KLHL13: variants seen among roughly 807,000 people sequenced by gnomAD.
KLHL13 encodes the protein kelch like family member 13.
Under a neutral mutation model 37.1 loss-of-function variants are expected in KLHL13, and 10 were observed. The ratio of observed to expected loss-of-function variants is 0.27; its 90% CI spans 0.17 to 0.46. The LOEUF is 0.46. KLHL13 is among the 20% of genes least tolerant of loss of function. KLHL13 has a pLI of 1.00. For missense variants in KLHL13, 360 were observed against 509.3 expected (o/e 0.71, Z 2.82); for synonymous variants, 163 against 181.2 (o/e 0.90, Z 0.81).
chrX:117,943,875 G>A (rs1466444362), intron 2 of KLHL13, among the ~76,000 whole-genome samples: 3 of 110,217 alleles, frequency 2.7e-5, no homozygotes, highest in Non-Finnish European at 5.7e-5. Context: ...CTTTGCTGGC[G>A]AGGAGTTGTG....
intron 1 of KLHL13, among the ~76,000 whole-genome samples, chrX:117,962,497 G>A (rs1447967867): frequency 9.0e-6 from 1 of 110,800 alleles, no homozygotes; most frequent in African/African-American, 3.3e-5. Flanking sequence ...CAATGAAGAT[G>A]GAATAGTGCT....
At chrX:117,920,848 T>C (rs750783177) in intron 2 of KLHL13, among the ~76,000 whole-genome samples, 2 of 111,681 alleles carry the variant, frequency 1.8e-5, no homozygotes, top group African/African-American at 6.5e-5. Context: ...AAGTACACGA[T>C]AGTTCTTTCT....
Position 118,112,724 on chromosome X carries a change from C to A in KLHL13, c.-56+3784G>T, listed in dbSNP as rs1034377492. Among the ~76,000 whole-genome samples, 5 of 111,880 alleles carry A rather than the reference C, an allele frequency of 4.5e-5. No individual in the cohort carries two copies. The Admixed American group carries it at 4.7e-4, about 11-fold the overall frequency. The stretch of plus-strand genomic sequence containing the variant: ...TCCCCCACAATATTAGGATTTACTC[C>A]TATGGAATGTCAATAATCATCTGCA... On this transcript the variant is annotated intron_variant, in intron 1 of 6. Coordinates refer to the KLHL13 transcript ENST00000371882.
chrX:117,951,884 C>T (rs1480741394), intron 1 of KLHL13, among the ~76,000 whole-genome samples: 1 of 111,767 alleles, frequency 8.9e-6, no homozygotes, highest in Non-Finnish European at 1.9e-5. Context: ...CTACAAACCA[C>T]TGCTCAAGGA....
chrX:118,093,773 T>C (rs2055166866), intron 1 of KLHL13, among the ~76,000 whole-genome samples: 1 of 110,924 alleles, frequency 9.0e-6, no homozygotes, highest in South Asian at 3.9e-4. Context: ...CAAAAACTGG[T>C]TATTACAGGT....
chrX:118,076,709 A>G lies in KLHL13; in HGVS notation c.-56+39799T>C, dbSNP rs144458679. Among the ~76,000 whole-genome samples the G allele has an allele frequency of 9.2e-3, 1,029 of 111,557 alleles. 15 individuals carry two copies. The highest frequency in any genetic ancestry group is 0.031 in the African/African-American group (968 of 30,778). On this transcript the variant is annotated intron_variant, in intron 1 of 6. Coordinates refer to the KLHL13 transcript ENST00000371882. ...CATCCAATCATTTGAAGGCCTTAATAGAAAAATGACTGCTCCTTTTCTGTC... is the reference window on the plus strand; with the variant it reads ...CATCCAATCATTTGAAGGCCTTAATGGAAAAATGACTGCTCCTTTTCTGTC...
intron 5 of KLHL13, among the ~76,000 whole-genome samples, chrX:117,905,534 C>G (rs1023285226): frequency 1.8e-5 from 2 of 111,406 alleles, no homozygotes; most frequent in African/African-American, 3.3e-5. Context: ...CACACACACA[C>G]AGTCTTTTTT....
At chrX:118,014,580 T>C (rs2054106143) in intron 1 of KLHL13, among the ~76,000 whole-genome samples, 1 of 112,370 alleles carries the variant, frequency 8.9e-6, no homozygotes, top group South Asian at 3.7e-4. Context: ...TACTCCCTTT[T>C]CATACACCCC....
intron 1 of KLHL13, among the ~76,000 whole-genome samples, chrX:118,105,054 C>G (rs953426559): frequency 8.9e-6 from 1 of 112,196 alleles, no homozygotes; most frequent in Non-Finnish European, 1.9e-5. Context: ...AAAATAAACA[C>G]GCCCACACAC....
In KLHL13 at chrX:117,993,786, G is replaced by T. The variant is rs952471760; in HGVS notation, c.-55-48211C>A. Among the ~76,000 whole-genome samples, 3 of 107,985 alleles carry T rather than the reference G, an allele frequency of 2.8e-5. No individual in the cohort carries two copies. The South Asian group carries it at 1.3e-3, about 46-fold the overall frequency. 93.8% of individuals were successfully genotyped at this position (107,985 alleles called of 115,157 possible). On this transcript the variant is annotated intron_variant, in intron 1 of 6. Coordinates refer to the KLHL13 transcript ENST00000371882. Reference sequence around the variant, plus strand: ...AGTTTCGCTCTTGTTGCCCAGGCTGGAGTACAATGGCATGATCTCGGCTCA... The same window carrying T: ...AGTTTCGCTCTTGTTGCCCAGGCTGTAGTACAATGGCATGATCTCGGCTCA...
chrX:117,988,727 A>G (rs1459330326), intron 1 of KLHL13, among the ~76,000 whole-genome samples: 1 of 111,776 alleles, frequency 8.9e-6, no homozygotes, highest in Admixed American at 9.5e-5. Flanking sequence ...AAGTCTCATA[A>G]CCTCCCAATC....
intron 1 of KLHL13, among the ~76,000 whole-genome samples, chrX:117,952,006 C>T (rs1224711257): frequency 9.0e-6 from 1 of 111,453 alleles, no homozygotes; most frequent in African/African-American, 3.3e-5. Context: ...TCAATGCCAT[C>T]CCCATCAAGC....
intron 1 of KLHL13, among the ~76,000 whole-genome samples, chrX:118,043,537 T>G (rs1411782048): frequency 9.0e-6 from 1 of 111,554 alleles, no homozygotes; most frequent in Admixed American, 9.5e-5. Context: ...AGACCATTCA[T>G]CAAGATCAAA....
In KLHL13 at chrX:118,079,917, T is replaced by C. The variant is rs187499417; in HGVS notation, c.-56+36591A>G. 3.9e-3 allele frequency among the ~76,000 whole-genome samples: 433 copies of C among 111,605 alleles called. 1 individual carries two copies. Among genetic ancestry groups the C allele is most frequent in the Non-Finnish European group, 7.0e-3 (369 of 53,023 alleles). ...TTACATAACCAAAATAGCATAGTAC[T>C]GGTACAAAAACAGACACATAGACCA... On this transcript the variant is annotated intron_variant, in intron 1 of 6. Coordinates refer to the KLHL13 transcript ENST00000371882.
chrX:118,106,067 ATTT>A (rs1228266636), intron 1 of KLHL13, among the ~76,000 whole-genome samples: 1 of 86,460 alleles, frequency 1.2e-5, no homozygotes, highest in Non-Finnish European at 2.2e-5. Context: ...ACGCCCAGCT[ATTT>A]TTTTTTTTTT....
exon 1 of KLHL13, chrX:118,116,777 G>A (rs1378849443): frequency 1.9e-5 from 2 of 106,766 alleles, no homozygotes; most frequent in Non-Finnish European, 3.9e-5. Flanking sequence ...TGCGGCCGCA[G>A]CGGCAGAGCC....
chrX:117,919,501 C>G lies in KLHL13; in HGVS notation c.570+20G>C, dbSNP rs190468077. ...CATCAGAGTCTACCACAGGAAAAAT[C>G]AGATTTCAAAATATCTTACCCCAGA... On this transcript the variant is annotated intron_variant, in intron 4 of 6. Coordinates refer to ENST00000262820, the Ensembl canonical transcript of KLHL13. 6.0e-6 allele frequency: 7 copies of G among 1,167,930 alleles called. No homozygotes were observed. In the East Asian group the frequency reaches 1.5e-4, roughly 25 times the overall value.
intron 2 of KLHL13, among the ~76,000 whole-genome samples, chrX:117,938,706 T>C (rs1315668863): frequency 9.0e-6 from 1 of 111,423 alleles, no homozygotes; most frequent in Non-Finnish European, 1.9e-5. Flanking sequence ...AGGAGTATAG[T>C]AGTGAGGTAT....
intron 4 of KLHL13, among the ~76,000 whole-genome samples, chrX:117,915,295 T>C (rs956994039): frequency 3.6e-5 from 4 of 112,160 alleles, no homozygotes; most frequent in Non-Finnish European, 7.5e-5. Flanking sequence ...AGGAACTGTC[T>C]TCTCCAATGA....
Sources: allele counts gnomAD v4.1 joint callset (sites outside exome capture counted in the v4.1 genomes callset), GRCh38; gene constraint gnomAD v4.1.1; transcripts MANE v1.5; gene names NCBI Gene and HGNC (gene_info 2026-07-23, HGNC 2026-07-21).